KCNQ3: variants seen among roughly 807,000 people sequenced by gnomAD.
KCNQ3 encodes the protein potassium voltage-gated channel subfamily Q member 3, also known as potassium voltage-gated channel subfamily KQT member 3.
A neutral mutation model predicts 92.5 loss-of-function variants in KCNQ3; 30 were observed. The observed-to-expected ratio is 0.32, with a 90% CI of 0.24 to 0.44. The LOEUF is 0.44. Among genes scored for constraint, KCNQ3 ranks in the 20% least tolerant of loss-of-function variants. The pLI is 1.00. For synonymous variants in KCNQ3, 450 were observed against 468.8 expected (o/e 0.96, Z 0.52); for missense variants, 913 against 1,140.3 (o/e 0.80, Z 2.87).
At chr8:132,422,855 G>C (rs1409425776) in intron 1 of KCNQ3, among the ~76,000 whole-genome samples, 1 of 152,202 alleles carries the variant, frequency 6.6e-6, no homozygotes, top group Non-Finnish European at 1.5e-5. Flanking sequence ...AGACAGTGGA[G>C]GGAGAGAGGG....
chr8:132,275,799 G>A (rs1464198382), intron 1 of KCNQ3, among the ~76,000 whole-genome samples: 1 of 152,160 alleles, frequency 6.6e-6, no homozygotes, highest in South Asian at 2.1e-4. Context: ...GGATGGTCTC[G>A]ATTTCCTGAC....
intron 1 of KCNQ3, among the ~76,000 whole-genome samples, chr8:132,232,067 GA>G (rs1190607938): frequency 3.3e-5 from 5 of 152,172 alleles, no homozygotes; most frequent in Admixed American, 6.5e-5. Context: ...ACCCACCAAG[GA>G]AATGGAGACA....
intron 1 of KCNQ3, among the ~76,000 whole-genome samples, chr8:132,397,373 A>G (rs1820220071): frequency 6.6e-6 from 1 of 152,164 alleles, no homozygotes; most frequent in Non-Finnish European, 1.5e-5. Flanking sequence ...AAAGTACTAG[A>G]TTCCATTAAG....
intron 1 of KCNQ3, among the ~76,000 whole-genome samples, chr8:132,371,800 C>A (rs1250041708): frequency 6.6e-6 from 1 of 152,184 alleles, no homozygotes; most frequent in East Asian, 1.9e-4. Flanking sequence ...GTCAATAATT[C>A]CAAAGTAAAT....
At chr8:132,191,085 C>A (rs1386326807) in intron 1 of KCNQ3, among the ~76,000 whole-genome samples, 1 of 152,222 alleles carries the variant, frequency 6.6e-6, no homozygotes, top group African/African-American at 2.4e-5. Context: ...CTTGGAGAGA[C>A]AGGCTGGGAG....
chr8:132,322,421 G>T (rs1480829962), intron 1 of KCNQ3, among the ~76,000 whole-genome samples: 1 of 152,252 alleles, frequency 6.6e-6, no homozygotes, highest in Admixed American at 6.5e-5. Flanking sequence ...TACTGGGGCA[G>T]GAAACTCAGA....
At chr8:132,480,107 G>A (rs1563925658) in intron 1 of KCNQ3, 40 bp downstream of exon 1, 1 of 1,588,928 alleles carries the variant, frequency 6.3e-7, no homozygotes. Flanking sequence ...GTCCCCAAGC[G>A]CGCCGCCGCC....
intron 1 of KCNQ3, among the ~76,000 whole-genome samples, chr8:132,277,349 C>T (rs1310160707): frequency 1.3e-5 from 2 of 152,164 alleles, no homozygotes; most frequent in African/African-American, 2.4e-5. Flanking sequence ...TTTCCTCCAA[C>T]ATCTGGCCAA....
At chr8:132,442,845 T>C (rs945273111) in intron 1 of KCNQ3, among the ~76,000 whole-genome samples, 5 of 152,260 alleles carry the variant, frequency 3.3e-5, no homozygotes, top group African/African-American at 1.2e-4. Context: ...GGATACATGG[T>C]TTTTTCTCTC....
In KCNQ3 at chr8:132,129,390, G is replaced by A. The variant is rs185628977; in HGVS notation, c.2491C>T (p.Arg831Trp). 1.8e-5 allele frequency: 29 copies of A among 1,614,170 alleles called. No individual in the cohort carries two copies. The Admixed American group carries it at 3.2e-4, about 18-fold the overall frequency. Residue 831 changes from arginine (R) to tryptophan (W), a missense_variant, in exon 15 of 15, where the codon CGG (arginine) becomes TGG (tryptophan). Around this residue, in one of 6 missense-constraint regions of KCNQ3, gnomAD observed 375 missense variants for 376.4 expected, o/e 1.00. Transcript: ENST00000388996. The surrounding 1 kb of genome is among the most constrained non-coding windows in gnomAD (Gnocchi z 5.9). ...NGGSSWMREK[R>W]YLAEGETDTD... ...TCCGTCTCACCCTCGGCGAGGTACC[G>A]CTTCTCCCTCATCCAGCTCGACCCC...
intron 1 of KCNQ3, among the ~76,000 whole-genome samples, chr8:132,470,219 T>C (rs928203534): frequency 4.6e-5 from 7 of 152,226 alleles, no homozygotes; most frequent in African/African-American, 1.7e-4. Flanking sequence ...CCTGGCTTCA[T>C]GTCGGAATCA....
chr8:132,209,441 T>C (rs1813779109), intron 1 of KCNQ3, among the ~76,000 whole-genome samples: 1 of 152,044 alleles, frequency 6.6e-6, no homozygotes, highest in Non-Finnish European at 1.5e-5. Context: ...TGTGTTTCAA[T>C]GGAAAATTGT....
chr8:132,153,865 C>T (rs1201857452), intron 9 of KCNQ3, among the ~76,000 whole-genome samples: 1 of 152,074 alleles, frequency 6.6e-6, no homozygotes, highest in Non-Finnish European at 1.5e-5. Context: ...CCCTTATGTA[C>T]CCTAGGTATT....
chr8:132,433,213 C>T (rs1202202816), intron 1 of KCNQ3, among the ~76,000 whole-genome samples: 1 of 152,030 alleles, frequency 6.6e-6, no homozygotes, highest in Non-Finnish European at 1.5e-5. Flanking sequence ...GATCATTAGC[C>T]CCTCCCAGTT....
chr8:132,415,436 T>C (rs1396222107), intron 1 of KCNQ3, among the ~76,000 whole-genome samples: 1 of 152,134 alleles, frequency 6.6e-6, no homozygotes, highest in Non-Finnish European at 1.5e-5. Flanking sequence ...GTCTGGGAGC[T>C]CTCTGACTGC....
intron 1 of KCNQ3, among the ~76,000 whole-genome samples, chr8:132,435,954 G>T (rs1207890895): frequency 6.6e-6 from 1 of 152,168 alleles, no homozygotes; most frequent in Non-Finnish European, 1.5e-5. Context: ...CCCCAGCTCT[G>T]CCAGGGTTGG....
chr8:132,199,638 G>A (rs1041640393), intron 1 of KCNQ3, among the ~76,000 whole-genome samples: 5 of 152,094 alleles, frequency 3.3e-5, no homozygotes, highest in Non-Finnish European at 7.4e-5. Flanking sequence ...GGTGAGGTGC[G>A]GTGGCTCACG....
chr8:132,433,966 T>C (rs1231282338), intron 1 of KCNQ3, among the ~76,000 whole-genome samples: 1 of 152,048 alleles, frequency 6.6e-6, no homozygotes, highest in Admixed American at 6.6e-5. Flanking sequence ...CCCAGCACTT[T>C]GGGAGGCCGA....
At chr8:132,154,208 T>TTTTTTTTTTTG (rs1563775872) in intron 9 of KCNQ3, among the ~76,000 whole-genome samples, 20 of 142,304 alleles carry the variant, frequency 1.4e-4, no homozygotes, top group African/African-American at 4.8e-4. Context: ...TTTTTTTTTT[T>TTTTTTTTTTTG]TTTTTTTTTT....
Sources: gnomAD v4.1 joint callset for allele counts (sites outside exome capture counted in the v4.1 genomes callset) on GRCh38, gnomAD v4.1.1 for gene constraint, gnomAD v4.1.1 regional missense constraint, Gnocchi (gnomAD v3.1) non-coding constraint, MANE v1.5 for transcripts, NCBI Gene and HGNC (gene_info 2026-07-23, HGNC 2026-07-21) for gene names.